Variants in SORCS1 observed in about 807,000 individuals in gnomAD.
SORCS1 encodes VPS10 domain-containing receptor SorCS1.
A neutral mutation model predicts 146.1 loss-of-function variants in SORCS1; 60 were observed. The observed-to-expected ratio is 0.41, with a 90% CI of 0.33 to 0.51. The LOEUF (loss-of-function observed/expected upper bound fraction) is 0.51, where lower values mean the gene tolerates loss of function less well. SORCS1 is among the 20% of genes least tolerant of loss of function. The probability of loss-of-function intolerance (pLI) is 0.21; values close to 1 mark genes in which losing one functional copy is unlikely to be tolerated. For synonymous variants in SORCS1, 637 were observed against 584.0 expected (o/e 1.09, Z -1.31); for missense variants, 1,352 against 1,487.6 (o/e 0.91, Z 1.50).
chr10:106,620,328 TC>T, intron 20 of SORCS1, 99 bp downstream of exon 20: 1 of 1,462,094 alleles, frequency 6.8e-7, no homozygotes, highest in South Asian at 1.4e-5. Context: ...TACAACTGCT[TC>T]TACACTCTAG....
At chr10:107,045,372 G>A (rs1176392211) in intron 1 of SORCS1, among the ~76,000 whole-genome samples, 1 of 152,146 alleles carries the variant, frequency 6.6e-6, no homozygotes, top group Non-Finnish European at 1.5e-5. Context: ...GGAAATTGCA[G>A]CTGCCACTAT....
chr10:107,139,028 T>C (rs933778683), intron 1 of SORCS1, among the ~76,000 whole-genome samples: 5 of 152,164 alleles, frequency 3.3e-5, no homozygotes, highest in African/African-American at 1.2e-4. Flanking sequence ...ACAAAATCCA[T>C]CTCCCCTGGC....
intron 3 of SORCS1, among the ~76,000 whole-genome samples, chr10:106,820,544 A>G (rs1947972483): frequency 1.3e-5 from 2 of 152,128 alleles, no homozygotes. Context: ...CTGGTGGTGC[A>G]CTCTTAATTT....
At chr10:106,980,652 G>A (rs183003258) in intron 1 of SORCS1, among the ~76,000 whole-genome samples, 25 of 152,298 alleles carry the variant, frequency 1.6e-4, no homozygotes, top group African/African-American at 5.8e-4. Flanking sequence ...TGGCCTTGCT[G>A]AGCTCTGTCT....
chr10:106,773,153 G>C (rs1860156605), intron 4 of SORCS1, among the ~76,000 whole-genome samples: 1 of 152,212 alleles, frequency 6.6e-6, no homozygotes, highest in Non-Finnish European at 1.5e-5. Flanking sequence ...ATAATACTAA[G>C]TAAGATCCTA....
intron 1 of SORCS1, among the ~76,000 whole-genome samples, chr10:106,998,255 T>C (rs1957079403): frequency 6.6e-6 from 1 of 152,212 alleles, no homozygotes; most frequent in Admixed American, 6.5e-5. Context: ...AAGAATAAGC[T>C]CGGCTTCTGA....
In SORCS1 at chr10:107,054,687, C is replaced by T. The variant is rs559040280; in HGVS notation, c.559-98107G>A. Among the ~76,000 whole-genome samples, 15 of 152,242 alleles carry T rather than the reference C, an allele frequency of 9.9e-5. No homozygotes were observed. In the South Asian group the frequency reaches 2.7e-3, roughly 27 times the overall value. ...CATCTAAATGCTGTGAACTCTACTCCCTGGGACATTCATTAATTAATAGCC... is the reference window on the plus strand; with the variant it reads ...CATCTAAATGCTGTGAACTCTACTCTCTGGGACATTCATTAATTAATAGCC... On this transcript the variant is annotated intron_variant, in intron 1 of 25. Coordinates refer to ENST00000263054, the MANE Select transcript of SORCS1 (RefSeq NM_052918.5).
chr10:107,151,618 C>T (rs1017177055), intron 1 of SORCS1, among the ~76,000 whole-genome samples: 1 of 152,178 alleles, frequency 6.6e-6, no homozygotes, highest in Non-Finnish European at 1.5e-5. Context: ...CATTACCTCA[C>T]CCTAGGTCCC....
At chr10:106,615,982 G>T (rs1260195884) in intron 21 of SORCS1, among the ~76,000 whole-genome samples, 2 of 152,140 alleles carry the variant, frequency 1.3e-5, no homozygotes, top group South Asian at 2.1e-4. Flanking sequence ...TCATAAATCT[G>T]AGCAGATTTA....
intron 2 of SORCS1, among the ~76,000 whole-genome samples, chr10:106,837,026 G>A (rs1233337391): frequency 6.6e-6 from 1 of 152,194 alleles, no homozygotes; most frequent in Non-Finnish European, 1.5e-5. Context: ...ATGTTGCCCA[G>A]TGCAATGCCA....
rs35691571 is a variant in SORCS1, at chr10:106,751,058, C to CAAAAAAAAA, written c.959+10521_959+10529dup. 7.0e-3 allele frequency among the ~76,000 whole-genome samples: 158 copies of CAAAAAAAAA among 22,442 alleles called. 41 individuals are homozygous for CAAAAAAAAA. The highest frequency in any genetic ancestry group is 0.018 in the African/African-American group (142 of 7,876). 14.7% of individuals were successfully genotyped at this position (22,442 alleles called of 152,430 possible). On this transcript the variant is annotated intron_variant, in intron 5 of 25. Transcript: ENST00000263054. The stretch of plus-strand genomic sequence containing the variant: ...TGGGCGACAGGGTGAGACTCCGTCT[C>CAAAAAAAAA]AAAAAAAAAAAAAAAAAAAAAAAAA...
At chr10:106,774,671 T>C (rs1301453624) in intron 4 of SORCS1, among the ~76,000 whole-genome samples, 1 of 152,194 alleles carries the variant, frequency 6.6e-6, no homozygotes, top group Admixed American at 6.5e-5. Context: ...TAGATCTCTA[T>C]CTCCTGAACT....
At chr10:106,976,450 G>C (rs1289643204) in intron 1 of SORCS1, among the ~76,000 whole-genome samples, 1 of 150,208 alleles carries the variant, frequency 6.7e-6, no homozygotes, top group East Asian at 2.0e-4. Context: ...TCCTGCCTTA[G>C]CCTCCCGAGT....
the SORCS1 span, among the ~76,000 whole-genome samples, chr10:107,179,904 C>CTTTTTTTTTT: frequency 3.9e-5 from 2 of 51,284 alleles, no homozygotes; most frequent in African/African-American, 8.4e-5. Flanking sequence ...ACAAAACAGA[C>CTTTTTTTTTT]TTTTTTTTTT....
intron 25 of SORCS1, chr10:106,578,745 C>G: frequency 9.0e-7 from 1 of 1,105,766 alleles, no homozygotes. Flanking sequence ...TCTGGTCCAC[C>G]AGCCTTAGCC....
At chr10:106,847,653 T>C (rs1949356016) in intron 2 of SORCS1, among the ~76,000 whole-genome samples, 1 of 71,398 alleles carries the variant, frequency 1.4e-5, no homozygotes, top group South Asian at 6.9e-4. Context: ...CTCTTGCTTT[T>C]CTAGTTCTTT....
At chr10:107,006,330 CAAGG>C (rs3045166) in intron 1 of SORCS1, among the ~76,000 whole-genome samples, 22,594 of 151,798 alleles carry the variant, frequency 0.15, 5,506 homozygotes, top group African/African-American at 0.51. Context: ...ATGAAAGAAA[CAAGG>C]AAGACAGGGA....
intron 17 of SORCS1, among the ~76,000 whole-genome samples, chr10:106,664,654 G>GA (rs912731086): frequency 1.3e-5 from 2 of 151,568 alleles, no homozygotes; most frequent in Non-Finnish European, 2.9e-5. Context: ...AAACAAAGAG[G>GA]AAAAAAAAGA....
intron 1 of SORCS1, among the ~76,000 whole-genome samples, chr10:107,109,770 A>T (rs1965561793): frequency 6.6e-6 from 1 of 152,258 alleles, no homozygotes. Context: ...GCTAGGCTGC[A>T]GATTTTCTAA....
Sources: allele counts gnomAD v4.1 joint callset (sites outside exome capture counted in the v4.1 genomes callset), GRCh38; gene constraint gnomAD v4.1.1; transcripts MANE v1.5; gene names NCBI Gene and HGNC (gene_info 2026-07-23, HGNC 2026-07-21).